TYW1: variants seen among roughly 807,000 people sequenced by gnomAD.
TYW1 encodes the protein S-adenosyl-L-methionine-dependent tRNA 4-demethylwyosine synthase TYW1.
TYW1 carries 46 observed loss-of-function variants against 96.2 expected under a neutral mutation model. The ratio of observed to expected loss-of-function variants is 0.48; its 90% CI spans 0.38 to 0.61. The LOEUF (loss-of-function observed/expected upper bound fraction) is 0.61, where lower values mean the gene tolerates loss of function less well. Ranked by LOEUF, TYW1 falls within the 20% of genes least tolerant of loss-of-function variation. TYW1 has a pLI of 0.00. For synonymous variants in TYW1, 274 were observed against 323.0 expected, an observed-to-expected ratio of 0.85 and a Z score of 1.63; for missense variants, 684 against 909.6, an observed-to-expected ratio of 0.75 and a Z score of 3.19.
At chr7:67,005,300 T>G (rs972469237) in intron 3 of TYW1, among the ~76,000 whole-genome samples, 23 of 152,088 alleles carry the variant, frequency 1.5e-4, no homozygotes, top group African/African-American at 4.3e-4. Context: ...TAAACCTTTT[T>G]AAAACATAGA....
chr7:67,076,847 C>G (rs567398167), intron 10 of TYW1, among the ~76,000 whole-genome samples: 1 of 150,526 alleles, frequency 6.6e-6, no homozygotes, highest in Admixed American at 6.6e-5. Context: ...CAATCTTGGC[C>G]CACTGCAACC....
At chr7:67,041,759 C>G (rs887095681) in intron 7 of TYW1, among the ~76,000 whole-genome samples, 46 of 152,092 alleles carry the variant, frequency 3.0e-4, no homozygotes, top group African/African-American at 1.1e-3. Context: ...CATTGTAAGA[C>G]TGGTTTTTGA....
At chr7:67,028,570 C>T (rs1188131212) in intron 7 of TYW1, among the ~76,000 whole-genome samples, 3 of 152,232 alleles carry the variant, frequency 2.0e-5, no homozygotes. Context: ...GAAAACTACA[C>T]TGATAAACAT....
At chr7:67,010,837 C>T (rs1269656979) in intron 4 of TYW1, among the ~76,000 whole-genome samples, 4 of 152,138 alleles carry the variant, frequency 2.6e-5, no homozygotes, top group African/African-American at 9.6e-5. Flanking sequence ...AACTCCTGGC[C>T]TCAGTCTCCC....
At position 67,016,244 on chromosome 7, in the gene TYW1, G is replaced by GT. The variant is rs992399097; in HGVS notation, c.571-1601dup. On this transcript the variant is annotated intron_variant, in intron 5 of 15. Coordinates refer to ENST00000359626, the MANE Select transcript of TYW1 (RefSeq NM_018264.4). ...GTGTGAGTGACGGTGGAGGTGGGGA[G>GT]TTTTTTTTAAAAGCTGTTTACGGCC... Among the ~76,000 whole-genome samples the GT allele has an allele frequency of 2.0e-5, 3 of 149,732 alleles. 1 individual carries two copies. The highest frequency in any genetic ancestry group is 4.4e-5 in the Non-Finnish European group (3 of 67,580).
chr7:67,201,604 G>C (rs1333986666), intron 15 of TYW1, among the ~76,000 whole-genome samples: 2 of 151,840 alleles, frequency 1.3e-5, no homozygotes, highest in Admixed American at 6.6e-5. Context: ...TGTAGGTAGA[G>C]AGTGAATGGG....
intron 7 of TYW1, among the ~76,000 whole-genome samples, chr7:67,036,108 A>G (rs898439107): frequency 2.6e-4 from 38 of 146,070 alleles, no homozygotes; most frequent in African/African-American, 7.7e-4. Context: ...CAACTCACAC[A>G]CTTTGGTGTC....
chr7:67,085,865 G>A (rs569891913), intron 11 of TYW1, among the ~76,000 whole-genome samples: 4 of 151,916 alleles, frequency 2.6e-5, no homozygotes, highest in Non-Finnish European at 5.9e-5. Context: ...AGCTACTTGG[G>A]AGGCTGAGGC....
chr7:67,101,093 C>A (rs1454577094), intron 12 of TYW1, among the ~76,000 whole-genome samples: 2 of 152,112 alleles, frequency 1.3e-5, no homozygotes, highest in African/African-American at 4.8e-5. Context: ...TGTCTGTTCT[C>A]ATACCTCTTT....
intron 13 of TYW1, among the ~76,000 whole-genome samples, chr7:67,153,949 A>G (rs1438295544): frequency 8.4e-6 from 1 of 119,442 alleles, no homozygotes; most frequent in African/African-American, 3.2e-5. Flanking sequence ...TTTTTTTGAG[A>G]CGGAGTCTCG....
At position 67,014,843 on chromosome 7, in the gene TYW1, C is replaced by T. The variant is rs1479937480; in HGVS notation, c.570+282C>T. 3.3e-5 allele frequency among the ~76,000 whole-genome samples: 5 copies of T among 151,604 alleles called. No homozygotes were observed. In the East Asian group the frequency reaches 9.8e-4, roughly 30 times the overall value. ...TCCCGGGTTCAAGTGATTTCTCCTGCCTCAACCTCCCGAGTAGCTGGGATT... is the reference window on the plus strand; with the variant it reads ...TCCCGGGTTCAAGTGATTTCTCCTGTCTCAACCTCCCGAGTAGCTGGGATT... On this transcript the variant is annotated intron_variant, in intron 5 of 15. Coordinates refer to ENST00000359626, the MANE Select transcript of TYW1 (RefSeq NM_018264.4).
chr7:67,218,980 T>A (rs1157531666), intron 15 of TYW1, among the ~76,000 whole-genome samples: 2 of 152,254 alleles, frequency 1.3e-5, no homozygotes, highest in East Asian at 3.8e-4. Flanking sequence ...TGCCTTGCTC[T>A]ATTTTAGAGG....
At chr7:67,011,909 G>A (rs1017857929) in intron 4 of TYW1, among the ~76,000 whole-genome samples, 5 of 151,930 alleles carry the variant, frequency 3.3e-5, no homozygotes, top group African/African-American at 9.7e-5. Context: ...CATAGAGCTG[G>A]GGTTGACAAA....
At chr7:67,058,916 A>C (rs1795611712) in intron 9 of TYW1, among the ~76,000 whole-genome samples, 1 of 152,072 alleles carries the variant, frequency 6.6e-6, no homozygotes, top group African/African-American at 2.4e-5. Flanking sequence ...TTTGTTGAAG[A>C]CTTTTGTCAA....
intron 9 of TYW1, among the ~76,000 whole-genome samples, chr7:67,066,778 T>G (rs796906065): frequency 2.6e-5 from 4 of 151,934 alleles, no homozygotes; most frequent in Non-Finnish European, 2.9e-5. Context: ...AACCCAGGAG[T>G]TGGAGGTTGC....
intron 13 of TYW1, among the ~76,000 whole-genome samples, chr7:67,118,694 A>G (rs1335946353): frequency 6.6e-6 from 1 of 151,834 alleles, no homozygotes; most frequent in Non-Finnish European, 1.5e-5. Context: ...CAGGAGTTCA[A>G]GACCAGCCTG....
At chr7:67,205,762 G>C (rs1167081636) in intron 15 of TYW1, among the ~76,000 whole-genome samples, 1 of 151,680 alleles carries the variant, frequency 6.6e-6, no homozygotes, top group Non-Finnish European at 1.5e-5. Flanking sequence ...CCCTGTTCCT[G>C]CTGTCCTAAG....
intron 13 of TYW1, among the ~76,000 whole-genome samples, chr7:67,169,560 C>T (rs554528686): frequency 1.7e-4 from 26 of 152,220 alleles, no homozygotes; most frequent in African/African-American, 5.1e-4. Flanking sequence ...TCCACCACAC[C>T]GAGCTAATTT....
At chr7:67,137,524 C>T (rs10235308) in intron 13 of TYW1, among the ~76,000 whole-genome samples, 41,985 of 151,988 alleles carry the variant, frequency 0.28, 6,622 homozygotes, top group African/African-American at 0.44. Context: ...TTGTATTTGA[C>T]AGCCTACCTA....
Sources: allele counts gnomAD v4.1 joint callset (sites outside exome capture counted in the v4.1 genomes callset), GRCh38; gene constraint gnomAD v4.1.1; transcripts MANE v1.5; gene names NCBI Gene and HGNC (gene_info 2026-07-23, HGNC 2026-07-21).